WWOX: variants seen among roughly 807,000 people sequenced by gnomAD.
WWOX encodes the protein WW domain-containing oxidoreductase.
Under a neutral mutation model 46.2 loss-of-function variants are expected in WWOX, and 69 were observed. That is an observed-to-expected ratio of 1.49 (90% CI 1.23 to 1.82). WWOX has a LOEUF of 1.82. WWOX is among the 40% of genes most tolerant of loss of function. The pLI is 0.00. For synonymous variants in WWOX, 359 were observed against 202.6 expected, an observed-to-expected ratio of 1.77 and a Z score of -6.56; for missense variants, 919 against 542.6, an observed-to-expected ratio of 1.69 and a Z score of -6.89.
intron 8 of WWOX, among the ~76,000 whole-genome samples, chr16:78,447,021 T>C (rs1178695473): frequency 6.6e-6 from 1 of 152,194 alleles, no homozygotes; most frequent in Non-Finnish European, 1.5e-5. Flanking sequence ...TGGAAGGTCA[T>C]GATGGCAGGA....
intron 8 of WWOX, among the ~76,000 whole-genome samples, chr16:78,764,001 CT>C (rs1160166903): frequency 6.6e-6 from 1 of 152,148 alleles, no homozygotes; most frequent in Non-Finnish European, 1.5e-5. Context: ...CATGTTGGGC[CT>C]CTGCCCAGAT....
intron 8 of WWOX, among the ~76,000 whole-genome samples, chr16:78,759,695 C>T (rs901519828): frequency 6.6e-6 from 1 of 152,204 alleles, no homozygotes; most frequent in African/African-American, 2.4e-5. Context: ...AGACTGTATG[C>T]TCCCTGTTGT....
At chr16:78,671,347 C>T (rs115728466) in intron 8 of WWOX, among the ~76,000 whole-genome samples, 1 of 152,164 alleles carries the variant, frequency 6.6e-6, no homozygotes, top group Non-Finnish European at 1.5e-5. Context: ...ATCATTTGAG[C>T]CTGGGAGGTG....
intron 4 of WWOX, among the ~76,000 whole-genome samples, chr16:78,146,514 C>A (rs1182514409): frequency 1.3e-5 from 2 of 152,094 alleles, no homozygotes; most frequent in Non-Finnish European, 2.9e-5. Flanking sequence ...CACATTCACA[C>A]AAGCAGGTGC....
chr16:78,993,797 C>G, intron 8 of WWOX, among the ~76,000 whole-genome samples: 1 of 152,194 alleles, frequency 6.6e-6, no homozygotes, highest in Non-Finnish European at 1.5e-5. Context: ...TTTCGTGGTG[C>G]AGCTTGGATG....
intron 8 of WWOX, among the ~76,000 whole-genome samples, chr16:78,524,338 C>T (rs892642053): frequency 3.3e-5 from 5 of 152,140 alleles, no homozygotes; most frequent in African/African-American, 1.2e-4. Flanking sequence ...TCTTCTCCCT[C>T]TCCATTAAAA....
At chr16:78,693,736 A>G (rs544376830) in intron 8 of WWOX, among the ~76,000 whole-genome samples, 2 of 152,204 alleles carry the variant, frequency 1.3e-5, no homozygotes, top group Admixed American at 6.5e-5. Flanking sequence ...GGCCCTTACC[A>G]CAGAGAACTA....
At chr16:78,645,166 G>T (rs7189040) in intron 8 of WWOX, among the ~76,000 whole-genome samples, 60,398 of 151,970 alleles carry the variant, frequency 0.4, 12,923 homozygotes, top group African/African-American at 0.55. Context: ...CTTTCCTATC[G>T]AAGGGTTTTT....
Position 78,862,484 on chromosome 16 carries a change from A to G in WWOX, c.1057-349124A>G, listed in dbSNP as rs571560357. Among the ~76,000 whole-genome samples the G allele has an allele frequency of 3.5e-3, 531 of 152,048 alleles. 4 individuals carry two copies. Among genetic ancestry groups the G allele is most frequent in the Middle Eastern group, 6.8e-3 (2 of 292 alleles). On this transcript the variant is annotated intron_variant, in intron 8 of 8. Coordinates refer to ENST00000566780, the MANE Select transcript of WWOX (RefSeq NM_016373.4). The stretch of plus-strand genomic sequence containing the variant: ...TAGATCTATAAACACACAAGTGCAT[A>G]CACACACACATTTTTCTGTATATAT...
Position 79,207,360 on chromosome 16 carries a change from T to C in WWOX, c.1057-4248T>C, listed in dbSNP as rs541285915. Among the ~76,000 whole-genome samples, 3 of 152,362 alleles carry C rather than the reference T, an allele frequency of 2.0e-5. No homozygotes were observed. In the South Asian group the frequency reaches 6.2e-4, roughly 32 times the overall value. On this transcript the variant is annotated intron_variant, in intron 8 of 8. Coordinates refer to ENST00000566780, the MANE Select transcript of WWOX (RefSeq NM_016373.4). ...TTTCCTTTTAGCCAAACCTGCTCAC[T>C]TCAGATCACCACTTTGTCCTGGGAC...
In WWOX at chr16:78,989,764, G is replaced by A. The variant is rs186662693; in HGVS notation, c.1057-221844G>A. The stretch of plus-strand genomic sequence containing the variant: ...AGGGCGGTGAGATGCTGAGAGTAAT[G>A]GGGCTGGCCCAGGAGGAAGTGAGAG... On this transcript the variant is annotated intron_variant, in intron 8 of 8. Coordinates refer to ENST00000566780, the MANE Select transcript of WWOX (RefSeq NM_016373.4). 3.6e-3 allele frequency among the ~76,000 whole-genome samples: 553 copies of A among 151,854 alleles called. 2 individuals are homozygous for A. The highest frequency in any genetic ancestry group is 0.013 in the African/African-American group (532 of 41,394).
chr16:78,100,206 C>T, intron 1 of WWOX: 2 of 1,186,132 alleles, frequency 1.7e-6, no homozygotes, highest in Non-Finnish European at 2.1e-6. Context: ...CGCACATGCT[C>T]AGCTCCCTCC....
intron 8 of WWOX, among the ~76,000 whole-genome samples, chr16:78,634,490 A>AGGTC (rs2046516453): frequency 6.6e-6 from 1 of 151,936 alleles, no homozygotes; most frequent in Non-Finnish European, 1.5e-5. Flanking sequence ...GGCAGATCAC[A>AGGTC]AGGTCAGGAG....
chr16:79,019,188 A>AAAAAAAAAAAAAAAAAAAG (rs2047480961), intron 8 of WWOX, among the ~76,000 whole-genome samples: 1 of 60,938 alleles, frequency 1.6e-5, no homozygotes, highest in African/African-American at 6.0e-5. Context: ...AAAAAAAAGA[A>AAAAAAAAAAAAAAAAAAAG]AAAAAAAAGT....
chr16:78,507,541 C>A (rs2085241556), intron 8 of WWOX, among the ~76,000 whole-genome samples: 1 of 152,190 alleles, frequency 6.6e-6, no homozygotes, highest in Non-Finnish European at 1.5e-5. Context: ...GCAGAGAGAC[C>A]CACTGCATGT....
intron 6 of WWOX, among the ~76,000 whole-genome samples, chr16:78,410,856 T>G (rs1352532902): frequency 4.7e-5 from 7 of 148,382 alleles, no homozygotes; most frequent in Admixed American, 4.0e-4. Context: ...TCATCTCAAG[T>G]CTTGACTATG....
chr16:78,872,461 T>C (rs1183725973), intron 8 of WWOX, among the ~76,000 whole-genome samples: 1 of 152,114 alleles, frequency 6.6e-6, no homozygotes, highest in Non-Finnish European at 1.5e-5. Context: ...GATGAGACAG[T>C]GAATTACAGT....
At chr16:78,137,768 A>ATT (rs201954069) in intron 4 of WWOX, among the ~76,000 whole-genome samples, 8 of 151,252 alleles carry the variant, frequency 5.3e-5, no homozygotes, top group South Asian at 2.1e-4. Flanking sequence ...GACAGCTCTT[A>ATT]GGTAGTGTGC....
intron 8 of WWOX, among the ~76,000 whole-genome samples, chr16:78,971,735 C>G (rs2046475147): frequency 1.3e-5 from 2 of 149,576 alleles, no homozygotes; most frequent in African/African-American, 2.4e-5. Flanking sequence ...TCCCCACCCT[C>G]TGCCGCCCTG....
Sources: allele counts gnomAD v4.1 joint callset (sites outside exome capture counted in the v4.1 genomes callset), GRCh38; gene constraint gnomAD v4.1.1; transcripts MANE v1.5; gene names NCBI Gene and HGNC (gene_info 2026-07-23, HGNC 2026-07-21).